TMEM144: variants seen among roughly 807,000 people sequenced by gnomAD.
The protein encoded by TMEM144 is transmembrane protein 144.
A neutral mutation model predicts 43.6 loss-of-function variants in TMEM144; 39 were observed. That is an observed-to-expected ratio of 0.90 (90% confidence interval 0.69 to 1.17). The LOEUF is 1.17. TMEM144 is among the 50% of genes most tolerant of loss of function. TMEM144 has a pLI of 0.00. For missense variants in TMEM144, 417 were observed against 411.9 expected (o/e 1.01, Z -0.11); for synonymous variants, 154 against 133.6 (o/e 1.15, Z -1.06).
intron 12 of TMEM144, 55 bp from the exon 13 acceptor site, chr4:158,253,389 T>C: frequency 7.0e-7 from 1 of 1,435,764 alleles, no homozygotes; most frequent in Non-Finnish European, 9.7e-7. Context: ...GTCTGTCCAT[T>C]TTGTGTAATT....
intron 10 of TMEM144, 68 bp from the exon 11 acceptor site, chr4:158,241,441 T>C: frequency 8.7e-7 from 1 of 1,153,340 alleles, no homozygotes; most frequent in African/African-American, 1.5e-5. Flanking sequence ...ATATTCCTGT[T>C]GTAGCTCAGT....
intron 11 of TMEM144, among the ~76,000 whole-genome samples, chr4:158,242,448 C>T (rs369596074): frequency 1.1e-4 from 16 of 152,082 alleles, no homozygotes; most frequent in African/African-American, 3.6e-4. Context: ...ATTTTTAAAA[C>T]TTTTTTAAAC....
At chr4:158,225,817 G>A (rs1005174858) in intron 6 of TMEM144, among the ~76,000 whole-genome samples, 2 of 152,210 alleles carry the variant, frequency 1.3e-5, no homozygotes, top group South Asian at 2.1e-4. Context: ...CCTCCCTGTC[G>A]TGAGAGACAC....
intron 6 of TMEM144, 35 bp from the exon 7 acceptor site, chr4:158,232,866 A>C: frequency 4.1e-6 from 6 of 1,445,946 alleles, no homozygotes; most frequent in African/African-American, 1.4e-5. Flanking sequence ...AACCAGTATT[A>C]TGATAAATAT....
chr4:158,225,849 G>A (rs1322003326), intron 6 of TMEM144, among the ~76,000 whole-genome samples: 3 of 152,382 alleles, frequency 2.0e-5, no homozygotes, highest in East Asian at 1.9e-4. Flanking sequence ...AGTGTTGGGA[G>A]ATGGAAGCTG....
intron 3 of TMEM144, chr4:158,213,727 A>T (rs538798092): frequency 1.3e-5 from 2 of 152,192 alleles, no homozygotes; most frequent in Non-Finnish European, 2.9e-5. Flanking sequence ...CCTTGGTAGT[A>T]TTTATCACCT....
At chr4:158,218,655 A>C (rs555744706) in intron 5 of TMEM144, among the ~76,000 whole-genome samples, 67 of 152,210 alleles carry the variant, frequency 4.4e-4, no homozygotes, top group African/African-American at 1.6e-3. Context: ...TTAAAAGTCT[A>C]CTCCAAATAT....
intron 12 of TMEM144, among the ~76,000 whole-genome samples, chr4:158,251,353 A>G (rs1736192932): frequency 6.6e-6 from 1 of 152,190 alleles, no homozygotes; most frequent in Non-Finnish European, 1.5e-5. Context: ...CTTAATCAGC[A>G]GGAAGTAGAT....
At position 158,223,306 on chromosome 4, in the gene TMEM144, T is replaced by C. The variant is rs370463681; in HGVS notation, c.413+3916T>C. Among the ~76,000 whole-genome samples the C allele has an allele frequency of 2.8e-4, 43 of 152,350 alleles. No homozygotes were observed. In the East Asian group the frequency reaches 6.4e-3, roughly 23 times the overall value. Reference sequence around the variant, plus strand: ...TCATTTGATTTTCACCACAGCTCTGTGATGAGTGTATATCCCCATTTTTTA... The same window carrying C: ...TCATTTGATTTTCACCACAGCTCTGCGATGAGTGTATATCCCCATTTTTTA... On this transcript the variant is annotated intron_variant, in intron 6 of 12. Transcript: ENST00000296529.
At chr4:158,247,322 T>G (rs1045795070) in intron 12 of TMEM144, among the ~76,000 whole-genome samples, 2 of 152,020 alleles carry the variant, frequency 1.3e-5, no homozygotes, top group African/African-American at 4.8e-5. Context: ...TTCTCCATAC[T>G]ATTATACGAT....
rs1579124732 is a variant in TMEM144, at chr4:158,230,952, A to T, written c.414-1949A>T. Among the ~76,000 whole-genome samples the T allele has an allele frequency of 2.0e-5, 3 of 152,338 alleles. No individual in the cohort carries two copies. The East Asian group carries it at 5.8e-4, about 29-fold the overall frequency. On this transcript the variant is annotated intron_variant, in intron 6 of 12. Coordinates refer to ENST00000296529, the MANE Select transcript of TMEM144 (RefSeq NM_018342.5). ...ACATCTGTTTTTCTGCTTAGATTTG[A>T]AGATTTGACAGCCATGTAGAAATGT...
intron 12 of TMEM144, among the ~76,000 whole-genome samples, chr4:158,248,100 G>C (rs1485165589): frequency 6.7e-6 from 1 of 148,732 alleles, no homozygotes; most frequent in East Asian, 2.0e-4. Context: ...AGAAGAGAGA[G>C]GGCCAAGCTG....
intron 6 of TMEM144, among the ~76,000 whole-genome samples, chr4:158,232,204 G>T (rs1359593126): frequency 2.0e-5 from 3 of 152,222 alleles, no homozygotes. Flanking sequence ...GACATCAATA[G>T]TGTATTATGA....
intron 12 of TMEM144, among the ~76,000 whole-genome samples, chr4:158,246,636 A>C (rs973099835): frequency 6.6e-6 from 1 of 152,108 alleles, no homozygotes; most frequent in South Asian, 2.1e-4. Flanking sequence ...TTGTAGTCAG[A>C]GTTCCTTTCT....
intron 11 of TMEM144, 52 bp from the exon 12 acceptor site, chr4:158,244,244 T>C: frequency 7.5e-7 from 1 of 1,325,340 alleles, no homozygotes; most frequent in East Asian, 2.6e-5. Flanking sequence ...TTATATAGAA[T>C]CTAGTCATAG....
chr4:158,217,489 C>T (rs1208571860), intron 5 of TMEM144, 69 bp downstream of exon 5: 15 of 1,102,608 alleles, frequency 1.4e-5, no homozygotes, highest in African/African-American at 4.7e-5. Flanking sequence ...AAGTGATTAC[C>T]GAGAGGAATA....
chr4:158,230,582 CAA>C (rs1453180342), intron 6 of TMEM144, among the ~76,000 whole-genome samples: 2 of 150,992 alleles, frequency 1.3e-5, no homozygotes, highest in South Asian at 2.1e-4. Context: ...ATTAACCTTA[CAA>C]ATATATATAT....
intron 12 of TMEM144, among the ~76,000 whole-genome samples, chr4:158,246,755 G>A (rs1000299430): frequency 6.6e-5 from 10 of 152,018 alleles, no homozygotes; most frequent in African/African-American, 2.4e-4. Flanking sequence ...ATTATCTCAT[G>A]TAAGATGCTG....
chr4:158,230,554 T>C (rs1163549584), intron 6 of TMEM144, among the ~76,000 whole-genome samples: 1 of 152,044 alleles, frequency 6.6e-6, no homozygotes, highest in Non-Finnish European at 1.5e-5. Flanking sequence ...GAGAACAAAA[T>C]GCCAATTGAT....
Sources: allele counts gnomAD v4.1 joint callset (sites outside exome capture counted in the v4.1 genomes callset), GRCh38; gene constraint gnomAD v4.1.1; transcripts MANE v1.5; gene names NCBI Gene and HGNC (gene_info 2026-07-23, HGNC 2026-07-21).